Variants in PITPNC1 observed in about 807,000 individuals in gnomAD.
The protein encoded by PITPNC1 is cytoplasmic phosphatidylinositol transfer protein 1.
Under a neutral mutation model 44.7 loss-of-function variants are expected in PITPNC1, and 18 were observed. The ratio of observed to expected loss-of-function variants is 0.40; its 90% CI spans 0.28 to 0.60. The LOEUF (loss-of-function observed/expected upper bound fraction) is 0.60, where lower values mean the gene tolerates loss of function less well. Among genes scored for constraint, PITPNC1 ranks in the 20% least tolerant of loss-of-function variants. The pLI is 0.39. For synonymous variants in PITPNC1, 141 were observed against 149.6 expected (o/e 0.94, Z 0.42); for missense variants, 290 against 418.4 (o/e 0.69, Z 2.68).
At position 67,513,489 on chromosome 17, in the gene PITPNC1, G is replaced by GTGTATA. The variant is rs772483698; in HGVS notation, c.49-19312_49-19311insGTATAT. Among the ~76,000 whole-genome samples the GTGTATA allele has an allele frequency of 3.1e-3, 429 of 138,656 alleles. 3 individuals are homozygous for GTGTATA. Among genetic ancestry groups the GTGTATA allele is most frequent in the Middle Eastern group, 7.6e-3 (2 of 264 alleles). The allele number at this position is 138,656 out of a possible 152,430, so 91.0% of individuals were successfully genotyped here. A position where few individuals can be genotyped will look rare whatever the true frequency, so the allele number is the denominator to read the frequency against. Reference sequence around the variant, plus strand: ...ATATTTTTACTATATGTGTGTGTGTGTATATATATATATATATATATATAG... The same window carrying GTGTATA: ...ATATTTTTACTATATGTGTGTGTGTGTGTATATATATATATATATATATATATATAG... On this transcript the variant is annotated intron_variant, in intron 1 of 8. Transcript: ENST00000581322.
intron 8 of PITPNC1, among the ~76,000 whole-genome samples, chr17:67,681,539 G>A (rs2042705727): frequency 6.7e-6 from 1 of 148,898 alleles, no homozygotes; most frequent in South Asian, 2.1e-4. Context: ...AGTCTGGGAG[G>A]TCAAGGCTGC....
chr17:67,407,709 G>T (rs1212145323), intron 1 of PITPNC1, among the ~76,000 whole-genome samples: 1 of 151,638 alleles, frequency 6.6e-6, no homozygotes, highest in African/African-American at 2.4e-5. Context: ...AACCTGAATC[G>T]CTTGAACCCA....
At chr17:67,540,479 G>A (rs946941102) in intron 2 of PITPNC1, among the ~76,000 whole-genome samples, 7 of 152,104 alleles carry the variant, frequency 4.6e-5, no homozygotes, top group Non-Finnish European at 1.0e-4. Flanking sequence ...GAATGGTAAT[G>A]TTAAAATTCA....
At chr17:67,401,609 G>T (rs2038312190) in intron 1 of PITPNC1, among the ~76,000 whole-genome samples, 1 of 152,030 alleles carries the variant, frequency 6.6e-6, no homozygotes. Flanking sequence ...ATTTTGGGAG[G>T]CCGAGGCAGG....
chr17:67,610,870 G>A (rs1417065483), intron 5 of PITPNC1, among the ~76,000 whole-genome samples: 3 of 149,622 alleles, frequency 2.0e-5, no homozygotes, highest in East Asian at 2.0e-4. Context: ...GCAGTGAGCC[G>A]AGATTGCGCC....
intron 6 of PITPNC1, among the ~76,000 whole-genome samples, chr17:67,634,513 A>C (rs1247994669): frequency 6.6e-6 from 1 of 152,148 alleles, no homozygotes; most frequent in Non-Finnish European, 1.5e-5. Context: ...CTGAGATCAC[A>C]ACAGAGTGAG....
chr17:67,526,079 A>G (rs957168587), intron 1 of PITPNC1, among the ~76,000 whole-genome samples: 1 of 152,202 alleles, frequency 6.6e-6, no homozygotes, highest in African/African-American at 2.4e-5. Flanking sequence ...TTGCAAAGCC[A>G]TGGTTCCCGC....
intron 6 of PITPNC1, among the ~76,000 whole-genome samples, chr17:67,634,268 T>C (rs2144337522): frequency 6.6e-6 from 1 of 152,204 alleles, no homozygotes; most frequent in East Asian, 1.9e-4. Context: ...CCTCACTGAG[T>C]GTCACATACA....
chr17:67,630,530 A>C (rs962465199), intron 5 of PITPNC1, among the ~76,000 whole-genome samples: 2 of 152,042 alleles, frequency 1.3e-5, no homozygotes, highest in Non-Finnish European at 2.9e-5. Flanking sequence ...GGGGCAGAAG[A>C]ATGGCTTGAA....
intron 8 of PITPNC1, among the ~76,000 whole-genome samples, chr17:67,692,248 TAC>T (rs1327806975): frequency 6.6e-6 from 1 of 152,028 alleles, no homozygotes; most frequent in Non-Finnish European, 1.5e-5. Context: ...TGCACACACA[TAC>T]ACACACACAG....
intron 1 of PITPNC1, among the ~76,000 whole-genome samples, chr17:67,435,134 GC>G (rs1220323908): frequency 1.4e-5 from 2 of 143,888 alleles, no homozygotes; most frequent in Non-Finnish European, 3.0e-5. Context: ...AAAAAAAGAA[GC>G]CCAGAGCTCA....
intron 6 of PITPNC1, among the ~76,000 whole-genome samples, chr17:67,651,658 A>G (rs1351136338): frequency 2.0e-5 from 3 of 152,134 alleles, no homozygotes; most frequent in Admixed American, 6.5e-5. Flanking sequence ...TCATCACCCC[A>G]CAAAGAAACC....
intron 3 of PITPNC1, chr17:67,553,079 A>T (rs1364769004): frequency 6.6e-6 from 1 of 152,252 alleles, no homozygotes; most frequent in Non-Finnish European, 1.5e-5. Flanking sequence ...ATTTAAGGTC[A>T]GTCTCCCTCT....
intron 1 of PITPNC1, among the ~76,000 whole-genome samples, chr17:67,395,129 A>G (rs2143808387): frequency 6.6e-6 from 1 of 152,260 alleles, no homozygotes; most frequent in South Asian, 2.1e-4. Flanking sequence ...ATGGCTGAGA[A>G]AAGGGATCTG....
intron 5 of PITPNC1, among the ~76,000 whole-genome samples, chr17:67,587,816 A>G (rs1433646500): frequency 6.6e-6 from 1 of 152,216 alleles, no homozygotes; most frequent in Non-Finnish European, 1.5e-5. Flanking sequence ...TCCTTCGGGT[A>G]AATTGCATAA....
chr17:67,449,864 C>A (rs1280393255), intron 1 of PITPNC1, among the ~76,000 whole-genome samples: 3 of 152,116 alleles, frequency 2.0e-5, no homozygotes, highest in African/African-American at 7.2e-5. Flanking sequence ...TAAAAAAATT[C>A]TTTTTGCAGA....
intron 5 of PITPNC1, among the ~76,000 whole-genome samples, chr17:67,591,416 A>G (rs939975905): frequency 6.6e-6 from 1 of 152,234 alleles, no homozygotes; most frequent in African/African-American, 2.4e-5. Context: ...AGGATTAGAT[A>G]ATAGTATTAT....
In PITPNC1 at chr17:67,382,663, C is replaced by T. The variant is rs190208066; in HGVS notation, c.48+4461C>T. Among the ~76,000 whole-genome samples, 74 of 152,210 alleles carry T rather than the reference C, an allele frequency of 4.9e-4. 1 individual carries two copies. The highest frequency in any genetic ancestry group is 1.7e-3 in the African/African-American group (69 of 41,544). ...TCTGAGCCACACTCTCTCGCTCTGT[C>T]GCCCAGGCTGGAGTGCAGTGGGATG... On this transcript the variant is annotated intron_variant, in intron 1 of 8. Transcript: ENST00000581322.
chr17:67,414,173 C>A (rs1275057870), intron 1 of PITPNC1, among the ~76,000 whole-genome samples: 1 of 151,176 alleles, frequency 6.6e-6, no homozygotes, highest in African/African-American at 2.4e-5. Context: ...GTTTTCAAAC[C>A]ATGGCCAAGT....
Sources: gnomAD v4.1 joint callset for allele counts (sites outside exome capture counted in the v4.1 genomes callset) on GRCh38, gnomAD v4.1.1 for gene constraint, MANE v1.5 for transcripts, NCBI Gene and HGNC (gene_info 2026-07-23, HGNC 2026-07-21) for gene names.